Variants in NT5DC2 observed in about 807,000 individuals in gnomAD.
NT5DC2 encodes 5'-nucleotidase domain containing 2.
NT5DC2 carries 41 observed loss-of-function variants against 70.0 expected under a neutral mutation model. The observed-to-expected ratio is 0.59, with a 90% CI of 0.46 to 0.76. The LOEUF (loss-of-function observed/expected upper bound fraction) is 0.76. Among genes scored for constraint, NT5DC2 ranks in the 30% least tolerant of loss-of-function variants. NT5DC2 has a pLI of 0.00. For synonymous variants in NT5DC2, 299 were observed against 310.4 expected (o/e 0.96, Z 0.39); for missense variants, 705 against 783.2 (o/e 0.90, Z 1.19).
At chr3:52,530,671 C>T (rs1027044846) in intron 1 of NT5DC2, among the ~76,000 whole-genome samples, 2 of 151,982 alleles carry the variant, frequency 1.3e-5, no homozygotes, top group Non-Finnish European at 2.9e-5. Flanking sequence ...AGCCATATAG[C>T]GATACCCTGT....
chr3:52,529,004 A>T lies in NT5DC2; in HGVS notation c.418-69T>A. The T allele has an allele frequency of 6.3e-7, 1 of 1,595,714 alleles. No homozygotes were observed. The highest frequency in any genetic ancestry group is 1.7e-5 in the Admixed American group (1 of 59,868). On this transcript the variant is annotated intron_variant, in intron 2 of 13. Coordinates refer to ENST00000422318, the MANE Select transcript of NT5DC2 (RefSeq NM_001134231.2). This position sits in a 1 kb window ranked among gnomAD's most constrained non-coding sequence, Gnocchi z 4.1. ...GACCTGCTGGCTGGGTGGCCACCCC[A>T]GGGGGTCAATCCAGCCACCTGCCCA...
chr3:52,534,445 A>G (rs751121569), upstream of NT5DC2: 394 of 1,604,330 alleles, frequency 2.5e-4, no homozygotes, highest in Non-Finnish European at 3.2e-4. Context: ...ACGTCCGCTA[A>G]CCAGGTGACT....
chr3:52,530,204 A>T (rs1339570508), intron 1 of NT5DC2, among the ~76,000 whole-genome samples: 1 of 152,178 alleles, frequency 6.6e-6, no homozygotes, highest in Non-Finnish European at 1.5e-5. Context: ...GCCATTATCC[A>T]GGTTGCTCCT....
rs761029564 is a variant in NT5DC2 at position 52,528,883 on chromosome 3, C to A, written c.470G>T (p.Gly157Val). The A allele has an allele frequency of 6.3e-5, 101 of 1,613,944 alleles. No individual in the cohort carries two copies. The highest frequency in any genetic ancestry group is 8.4e-5 in the Non-Finnish European group (99 of 1,180,016). ...CACCTTCTGAATGTCATAGTGGAGG[C>A]CACGGATGGCAAAGCTGGGGTTGTA... ...YDYNPSFAIRGLHYDIQKSLL... is the reference protein window; with the variant it reads ...YDYNPSFAIRVLHYDIQKSLL... The change falls in exon 3 of 14, where the codon GGC becomes GTC. Residue 157 changes from glycine to valine, a missense_variant. Coordinates refer to ENST00000422318, the MANE Select transcript of NT5DC2 (RefSeq NM_001134231.2).
In NT5DC2 at chr3:52,528,072, T is replaced by TG; in HGVS notation, c.772_773insC (p.Asp258AlafsTer29). 1 of 1,612,572 alleles carries TG rather than the reference T, an allele frequency of 6.2e-7. No individual in the cohort carries two copies. The highest frequency in any genetic ancestry group is 8.5e-7 in the Non-Finnish European group (1 of 1,179,716). On this transcript the variant is annotated frameshift_variant and splice_region_variant, in exon 7 of 14. Transcript: ENST00000422318. LOFTEE classifies it high-confidence loss of function. ...CTTCACATGCACGTCTCGGATGGCG[T>TG]CCTGGGGGCAGTGGAGGACAATGAG...
Position 52,529,207 on chromosome 3 carries a change from G to T in NT5DC2, c.360C>A (p.Asp120Glu), listed in dbSNP as rs199497753. Residue 120 changes from aspartate (D) to glutamate (E), a missense_variant, in exon 2 of 14, where the codon GAC (aspartate) becomes GAA (glutamate). Physicochemically the swap from Asp to Glu is conservative, Grantham distance 45. Transcript: ENST00000422318. The surrounding 1 kb of genome is among the most constrained non-coding windows in gnomAD (Gnocchi z 4.1). ...TACTGAAGATCTCGGGGTGCAGTGC[G>T]TCTGCATACTGGGCCAGGGTGTAGT... is the stretch of plus-strand genomic sequence containing the variant. ...DYDYTLAQYA[D>E]ALHPEIFSTA... 6.2e-7 allele frequency: 1 copy of T among 1,614,106 alleles called. No individual in the cohort carries two copies. Among genetic ancestry groups the T allele is most frequent in the East Asian group, 2.2e-5 (1 of 44,884 alleles).
At chr3:52,526,983 T>TG in intron 10 of NT5DC2, among the ~76,000 whole-genome samples, 1 of 152,330 alleles carries the variant, frequency 6.6e-6, no homozygotes, top group Middle Eastern at 3.4e-3. Flanking sequence ...TTCTGAGAGC[T>TG]TTATACCACA....
At chr3:52,526,704 G>C (rs756432713) in intron 10 of NT5DC2, among the ~76,000 whole-genome samples, 10 of 152,234 alleles carry the variant, frequency 6.6e-5, no homozygotes, top group Non-Finnish European at 1.2e-4. Context: ...TTGTTGCCCA[G>C]GCTAAAGTGC....
chr3:52,534,209 C>T, upstream of NT5DC2: 1 of 412,806 alleles, frequency 2.4e-6, no homozygotes, highest in Non-Finnish European at 4.5e-6. Flanking sequence ...GCCCGCCCTA[C>T]CCTGCGCCTC....
chr3:52,527,463 T>A (rs951627286), intron 9 of NT5DC2, 88 bp from the exon 10 acceptor site: 1 of 1,494,044 alleles, frequency 6.7e-7, no homozygotes, highest in Non-Finnish European at 9.3e-7. Context: ...AAGGCCCACC[T>A]GCTCAAGTGG....
At chr3:52,524,764 G>A in intron 13 of NT5DC2, 33 bp from the exon 14 acceptor site, 3 of 1,612,676 alleles carry the variant, frequency 1.9e-6, no homozygotes, top group Non-Finnish European at 2.5e-6. Flanking sequence ...CTCAAGGGGT[G>A]GGCCTGGGGT....
chr3:52,533,000 C>T (rs1304244120), intron 1 of NT5DC2, among the ~76,000 whole-genome samples: 3 of 152,174 alleles, frequency 2.0e-5, no homozygotes, highest in Non-Finnish European at 2.9e-5. Context: ...CCTTCGCTGC[C>T]CGGGCTGAGA....
rs577538936 is a variant in NT5DC2 at position 52,528,538 on chromosome 3, C to T, written c.550G>A (p.Gly184Ser). Residue 184 changes from glycine to serine, a missense_variant and splice_region_variant, in exon 5 of 14, where the codon GGC (glycine) becomes AGC (serine). Transcript: ENST00000422318. ...TCCTCGTCTGGCACAGGCTGGAGGCCCCTGAGCAGGCCCAAGATACCATCA... is the reference window on the plus strand; with the variant it reads ...TCCTCGTCTGGCACAGGCTGGAGGCTCCTGAGCAGGCCCAAGATACCATCA... ...HYVQLGTAYRGLQPVPDEEVI... is the reference protein window; with the variant it reads ...HYVQLGTAYRSLQPVPDEEVI... 6.2e-7 allele frequency: 1 copy of T among 1,613,030 alleles called. No homozygotes were observed. Among genetic ancestry groups the T allele is most frequent in the Admixed American group, 1.7e-5 (1 of 59,984 alleles).
chr3:52,527,391 AG>A lies in NT5DC2; in HGVS notation c.1038-17del. On this transcript the variant is annotated splice_polypyrimidine_tract_variant and intron_variant, in intron 9 of 13. Coordinates refer to ENST00000422318, the MANE Select transcript of NT5DC2 (RefSeq NM_001134231.2). ...TCTGAAAGGCCTGGGGTGCAGGTAA[AG>A]GGCATGACTTCCAGTCTGTGGCTGG... is the stretch of plus-strand genomic sequence containing the variant. 1.2e-6 allele frequency: 2 copies of A among 1,613,410 alleles called. No individual in the cohort carries two copies. The highest frequency in any genetic ancestry group is 1.7e-6 in the Non-Finnish European group (2 of 1,179,452).
In NT5DC2 at chr3:52,533,614, G is replaced by C; in HGVS notation, c.124C>G (p.His42Asp). Residue 42 changes from histidine (H) to aspartate (D), a missense_variant, in exon 1 of 14, where the codon CAC becomes GAC. By Grantham distance (81) the His-to-Asp change is moderately conservative. Transcript: ENST00000422318. ...GCGGAGCGCGGGACGCCGGGGCAGT[G>C]GGCGCCGGGACCCGGGGGGCCGCAC... ...PGCGPPGPGAHCPGVPRSAPA... is the reference protein window; with the variant it reads ...PGCGPPGPGADCPGVPRSAPA... 1 of 1,237,726 alleles carries C rather than the reference G, an allele frequency of 8.1e-7. No homozygotes were observed. The highest frequency in any genetic ancestry group is 1.0e-6 in the Non-Finnish European group (1 of 991,324). 76.7% of individuals were successfully genotyped at this position (1,237,726 alleles called of 1,614,324 possible).
At chr3:52,528,831 G>A (rs1472618339) in intron 3 of NT5DC2, 30 bp downstream of exon 3, 7 of 1,610,766 alleles carry the variant, frequency 4.3e-6, no homozygotes, top group Non-Finnish European at 5.9e-6. Flanking sequence ...AGGCCAAGGA[G>A]GGAGCCCCTA....
At chr3:52,525,502 A>G in intron 10 of NT5DC2, 1 of 592,532 alleles carries the variant, frequency 1.7e-6, no homozygotes, top group South Asian at 2.0e-5. Flanking sequence ...AAGGTGCCCT[A>G]CAGGCCTGGC....
chr3:52,527,856 AG>A lies in NT5DC2; in HGVS notation c.907del (p.Leu303SerfsTer10). ...RLVAHGKQLF[L>X]ITNSPFSFVD... Reference sequence around the variant, plus strand: ...GAAGCTGAAAGGACTGTTGGTGATGAGGAACAGCTGTTTCCCATGGGCCACC... The same window carrying A: ...GAAGCTGAAAGGACTGTTGGTGATGAGAACAGCTGTTTCCCATGGGCCACC... On this transcript the variant is annotated frameshift_variant, in exon 8 of 14. Transcript: ENST00000422318. LOFTEE classifies it high-confidence loss of function. 6.2e-7 allele frequency: 1 copy of A among 1,613,452 alleles called. No homozygotes were observed. Among genetic ancestry groups the A allele is most frequent in the Non-Finnish European group, 8.5e-7 (1 of 1,180,024 alleles).
chr3:52,527,974 G>C, intron 7 of NT5DC2, 39 bp downstream of exon 7: 1 of 1,613,278 alleles, frequency 6.2e-7, no homozygotes, highest in Non-Finnish European at 8.5e-7. Context: ...CCTGCCACCT[G>C]CTCAGGCCGG....
Sources: gnomAD v4.1 joint callset for allele counts (sites outside exome capture counted in the v4.1 genomes callset) on GRCh38, gnomAD v4.1.1 for gene constraint, Gnocchi (gnomAD v3.1) non-coding constraint, MANE v1.5 for transcripts, NCBI Gene and HGNC (gene_info 2026-07-23, HGNC 2026-07-21) for gene names.